WDHD1: variants seen among roughly 807,000 people sequenced by gnomAD.
WDHD1 encodes WD repeat and HMG-box DNA-binding protein 1.
WDHD1 carries 111 observed loss-of-function variants against 135.4 expected under a neutral mutation model. That is an observed-to-expected ratio of 0.82 (90% CI 0.70 to 0.96). WDHD1 has a LOEUF of 0.96. Ranked by LOEUF, WDHD1 falls within the 40% of genes least tolerant of loss-of-function variation. The pLI is 0.00. For missense variants in WDHD1, 1,351 were observed against 1,336.3 expected, an observed-to-expected ratio of 1.01 and a Z score of -0.17; for synonymous variants, 434 against 439.0, an observed-to-expected ratio of 0.99 and a Z score of 0.14.
intron 2 of WDHD1, among the ~76,000 whole-genome samples, chr14:55,022,702 A>T (rs746060661): frequency 5.9e-5 from 9 of 151,852 alleles, no homozygotes; most frequent in Non-Finnish European, 1.3e-4. Context: ...CAAACAAACA[A>T]ACAAAAAACC....
intron 2 of WDHD1, among the ~76,000 whole-genome samples, chr14:55,014,405 A>G (rs2042226251): frequency 6.6e-6 from 1 of 152,210 alleles, no homozygotes; most frequent in Admixed American, 6.5e-5. Flanking sequence ...AAAATTATTT[A>G]TTTGTAAGAA....
chr14:55,015,690 T>C (rs369256650), intron 2 of WDHD1, among the ~76,000 whole-genome samples: 1 of 151,846 alleles, frequency 6.6e-6, no homozygotes, highest in East Asian at 1.9e-4. Context: ...ACGTTTTTGT[T>C]CCAATGGAAT....
In WDHD1 at chr14:54,966,562, AT is replaced by A; in HGVS notation, c.2222del (p.Tyr741PhefsTer2). 6.2e-7 allele frequency: 1 copy of A among 1,608,300 alleles called. No homozygotes were observed. The highest frequency in any genetic ancestry group is 8.5e-7 in the Non-Finnish European group (1 of 1,178,778). Reference sequence around the variant, plus strand: ...CATATTCATAACCATTTTTAGCTAAATAATCAAGGTGGTTGTGAAATATAAC... The same window carrying A: ...CATATTCATAACCATTTTTAGCTAAAAATCAAGGTGGTTGTGAAATATAAC... ...RSVIFHNHLD[Y>X]LAKNGYEYEE... On this transcript the variant is annotated frameshift_variant, in exon 18 of 26. Transcript: ENST00000360586. LOFTEE classifies it high-confidence loss of function.
At position 54,966,540 on chromosome 14, in the gene WDHD1, AT is replaced by A; in HGVS notation, c.2244del (p.Glu748AspfsTer18). 2 of 1,608,748 alleles carry A rather than the reference AT, an allele frequency of 1.2e-6. No individual in the cohort carries two copies. The highest frequency in any genetic ancestry group is 1.7e-6 in the Non-Finnish European group (2 of 1,178,992). On this transcript the variant is annotated frameshift_variant, in exon 18 of 26. Transcript: ENST00000360586. LOFTEE classifies it high-confidence loss of function. ...GCTTGATTTTTAGTGCTCTCTTCAT[AT>A]TCATAACCATTTTTAGCTAAATAAT... ...HLDYLAKNGY[E>X]YEESTKNQAT...
chr14:55,014,117 T>C (rs2042221312), intron 2 of WDHD1, among the ~76,000 whole-genome samples: 1 of 152,256 alleles, frequency 6.6e-6, no homozygotes, highest in Admixed American at 6.5e-5. Context: ...ATTATAAAAT[T>C]TTGAGGCAGA....
chr14:55,005,101 G>C (rs2042042711), intron 7 of WDHD1: 2 of 532,716 alleles, frequency 3.8e-6, no homozygotes, highest in Non-Finnish European at 7.4e-6. Flanking sequence ...TAGAAGTAGA[G>C]ATCAGGCATG....
rs763108281 is a variant in WDHD1, at chr14:54,957,155, G to A, written c.2795C>T (p.Ser932Leu). ...GCCCATATTGTCTAAAATATTAGTT[G>A]AACGTGCTGAATTCATTGACATGGC... is the stretch of plus-strand genomic sequence containing the variant. ...EPAMSMNSAR[S>L]TNILDNMGKS... Residue 932 changes from serine (S) to leucine (L), a missense_variant, in exon 23 of 26, where the codon TCA (serine) becomes TTA (leucine). Physicochemically the swap from Ser to Leu is moderately radical, Grantham distance 145. Coordinates refer to ENST00000360586, the MANE Select transcript of WDHD1 (RefSeq NM_007086.4). 5 of 1,613,956 alleles carry A rather than the reference G, an allele frequency of 3.1e-6. No homozygotes were observed. In the African/African-American group the frequency reaches 5.3e-5, roughly 17 times the overall value.
chr14:54,963,851 C>T (rs1176214079), intron 18 of WDHD1, among the ~76,000 whole-genome samples: 9 of 151,420 alleles, frequency 5.9e-5, no homozygotes, highest in Admixed American at 5.9e-4. Flanking sequence ...CTGGCTCACA[C>T]CTGTAATCCT....
intron 24 of WDHD1, among the ~76,000 whole-genome samples, chr14:54,947,581 G>A (rs145788043): frequency 1.3e-5 from 2 of 152,042 alleles, no homozygotes; most frequent in African/African-American, 4.8e-5. Flanking sequence ...AAATGAAATT[G>A]TGACTGTTCT....
In WDHD1 at chr14:54,991,339, T is replaced by A; in HGVS notation, c.1215A>T (p.Glu405Asp). Reference sequence around the variant, plus strand: ...CAAGTGGTAGATTGTGAATGCTGCCTTCTTGACCATCTTCCTCCTCCTCTT... The same window carrying A: ...CAAGTGGTAGATTGTGAATGCTGCCATCTTGACCATCTTCCTCCTCCTCTT... ...LLKEEEEDGQ[E>D]GSIHNLPLVT... is the part of the protein sequence containing the mutation. The change falls in exon 12 of 26, where the codon GAA (glutamate) becomes GAT (aspartate). Residue 405 changes from glutamate to aspartate, a missense_variant. Around this residue, in one of 2 missense-constraint regions of WDHD1, gnomAD observed 1,330 missense variants for 1,296.1 expected, o/e 1.03. Coordinates refer to ENST00000360586, the MANE Select transcript of WDHD1 (RefSeq NM_007086.4). 1 of 1,614,226 alleles carries A rather than the reference T, an allele frequency of 6.2e-7. No individual in the cohort carries two copies. Among genetic ancestry groups the A allele is most frequent in the East Asian group, 2.2e-5 (1 of 44,888 alleles).
intron 25 of WDHD1, among the ~76,000 whole-genome samples, chr14:54,943,128 G>C (rs1002193826): frequency 6.6e-6 from 1 of 152,174 alleles, no homozygotes; most frequent in African/African-American, 2.4e-5. Flanking sequence ...AGTGAAACCT[G>C]AGGATTTAAC....
chr14:54,994,240 T>C (rs2041841191), intron 11 of WDHD1, among the ~76,000 whole-genome samples: 1 of 152,230 alleles, frequency 6.6e-6, no homozygotes, highest in African/African-American at 2.4e-5. Context: ...TATCTATTAC[T>C]TCTTGAGTTA....
intron 25 of WDHD1, among the ~76,000 whole-genome samples, chr14:54,942,268 AAAT>A (rs1370563017): frequency 3.3e-5 from 5 of 151,674 alleles, no homozygotes; most frequent in African/African-American, 1.2e-4. Flanking sequence ...ATAAATAAAT[AAAT>A]AAATAAATAA....
rs374065524 is a variant in WDHD1 at position 55,013,841 on chromosome 14, G to C, written c.78-245C>G. Among the ~76,000 whole-genome samples the C allele has an allele frequency of 9.2e-5, 14 of 152,162 alleles. No individual in the cohort carries two copies. In the East Asian group the frequency reaches 2.5e-3, roughly 27 times the overall value. ...AGATAACTTGAGCCTGGAAGGTCAA[G>C]GCTGCAAGTGAACCATGACGGCACC... On this transcript the variant is annotated intron_variant, in intron 2 of 25. Coordinates refer to ENST00000360586, the MANE Select transcript of WDHD1 (RefSeq NM_007086.4).
chr14:55,008,593 G>A lies in WDHD1; in HGVS notation c.453+15C>T, dbSNP rs752424848. 1.3e-6 allele frequency: 2 copies of A among 1,570,594 alleles called. No individual in the cohort carries two copies. Among genetic ancestry groups the A allele is most frequent in the Non-Finnish European group, 1.7e-6 (2 of 1,162,906 alleles). On this transcript the variant is annotated intron_variant, in intron 5 of 25. Transcript: ENST00000360586. ...ATTCAGGAAAAACACAAAAAGAGAAGGAAAAAATAATTACCAGAAAGATGT... is the reference window on the plus strand; with the variant it reads ...ATTCAGGAAAAACACAAAAAGAGAAAGAAAAAATAATTACCAGAAAGATGT...
intron 16 of WDHD1, among the ~76,000 whole-genome samples, chr14:54,976,508 T>G (rs2041526926): frequency 1.3e-5 from 2 of 152,178 alleles, no homozygotes. Flanking sequence ...AAAATGAATT[T>G]CTTGCTAGCC....
At chr14:54,943,872 C>T (rs1030521408) in intron 25 of WDHD1, among the ~76,000 whole-genome samples, 1 of 151,840 alleles carries the variant, frequency 6.6e-6, no homozygotes, top group Non-Finnish European at 1.5e-5. Context: ...ATTGCTTGTG[C>T]CCAGGAGGTC....
intron 13 of WDHD1, among the ~76,000 whole-genome samples, chr14:54,988,241 T>TTC (rs397956863): frequency 1.7e-3 from 266 of 152,040 alleles, no homozygotes; most frequent in Middle Eastern, 6.8e-3. Context: ...CGTTTTTTTT[T>TTC]CCTTTCTCGA....
chr14:54,975,387 G>A (rs907012768), intron 16 of WDHD1, among the ~76,000 whole-genome samples: 1 of 150,670 alleles, frequency 6.6e-6, no homozygotes, highest in Non-Finnish European at 1.5e-5. Flanking sequence ...TCCCTCTGTT[G>A]CCCAGGCTGG....
Sources: gnomAD v4.1 joint callset for allele counts (sites outside exome capture counted in the v4.1 genomes callset) on GRCh38, gnomAD v4.1.1 for gene constraint, gnomAD v4.1.1 regional missense constraint, MANE v1.5 for transcripts, NCBI Gene and HGNC (gene_info 2026-07-23, HGNC 2026-07-21) for gene names.